Variants in ARHGAP25 observed in about 807,000 individuals in gnomAD.
ARHGAP25 encodes the protein rho GTPase-activating protein 25.
ARHGAP25 carries 34 observed loss-of-function variants against 71.0 expected under a neutral mutation model. That is an observed-to-expected ratio of 0.48 (90% CI 0.36 to 0.64). ARHGAP25 has a LOEUF of 0.64. ARHGAP25 is among the 30% of genes least tolerant of loss of function. The pLI is 0.00. For missense variants in ARHGAP25, 706 were observed against 805.1 expected, an observed-to-expected ratio of 0.88 and a Z score of 1.49; for synonymous variants, 282 against 296.5, an observed-to-expected ratio of 0.95 and a Z score of 0.50.
At chr2:68,798,405 A>G (rs1176440683) in intron 4 of ARHGAP25, among the ~76,000 whole-genome samples, 1 of 152,174 alleles carries the variant, frequency 6.6e-6, no homozygotes, top group Non-Finnish European at 1.5e-5. Flanking sequence ...AACAACAGAC[A>G]GATACTTATT....
At chr2:68,747,755 G>A (rs943941965) in intron 1 of ARHGAP25, among the ~76,000 whole-genome samples, 5 of 152,014 alleles carry the variant, frequency 3.3e-5, no homozygotes, top group Admixed American at 3.3e-4. Context: ...TCACCGAGTT[G>A]CTCAGGCTAA....
At chr2:68,821,906 GT>G (rs59964574) in intron 9 of ARHGAP25, among the ~76,000 whole-genome samples, 1,569 of 81,620 alleles carry the variant, frequency 0.019, 9 homozygotes, top group African/African-American at 0.042. Context: ...CTTTTTGCTA[GT>G]TTTTTTTTTT....
chr2:68,766,041 T>C (rs190162116), intron 1 of ARHGAP25, among the ~76,000 whole-genome samples: 1 of 152,218 alleles, frequency 6.6e-6, no homozygotes, highest in East Asian at 1.9e-4. Context: ...TCCATGCTTA[T>C]GCAATACAAA....
At chr2:68,713,460 T>G (rs183776365) in intron 2 of ARHGAP25, among the ~76,000 whole-genome samples, 2 of 152,332 alleles carry the variant, frequency 1.3e-5, no homozygotes, top group Admixed American at 1.3e-4. Context: ...CAGAGACAAT[T>G]TGACTTCCTC....
At chr2:68,744,277 C>A (rs993697885) in intron 1 of ARHGAP25, among the ~76,000 whole-genome samples, 5 of 152,098 alleles carry the variant, frequency 3.3e-5, no homozygotes, top group African/African-American at 1.2e-4. Flanking sequence ...CCAACTCTAT[C>A]TCTCCCTCCC....
At chr2:68,757,205 T>C (rs542162004) in intron 1 of ARHGAP25, among the ~76,000 whole-genome samples, 1 of 152,192 alleles carries the variant, frequency 6.6e-6, no homozygotes, top group African/African-American at 2.4e-5. Flanking sequence ...GCTTACTCAT[T>C]GTGGGAGTCC....
At chr2:68,772,193 C>T (rs987074411) in intron 1 of ARHGAP25, among the ~76,000 whole-genome samples, 5 of 152,170 alleles carry the variant, frequency 3.3e-5, no homozygotes, top group African/African-American at 7.2e-5. Context: ...TTCTGCTAAC[C>T]GCTTCCCACT....
At chr2:68,773,257 G>C (rs919930482) in intron 1 of ARHGAP25, among the ~76,000 whole-genome samples, 3 of 152,212 alleles carry the variant, frequency 2.0e-5, no homozygotes, top group African/African-American at 7.2e-5. Context: ...TCTGGTGTTT[G>C]AAAGTATGCC....
chr2:68,770,714 C>T (rs968720790), intron 1 of ARHGAP25, among the ~76,000 whole-genome samples: 1 of 152,202 alleles, frequency 6.6e-6, no homozygotes, highest in Non-Finnish European at 1.5e-5. Context: ...TAAAATTCAG[C>T]ACCAACAGTC....
At chr2:68,741,139 A>G (rs1675499077) in intron 1 of ARHGAP25, among the ~76,000 whole-genome samples, 1 of 152,160 alleles carries the variant, frequency 6.6e-6, no homozygotes, top group African/African-American at 2.4e-5. Flanking sequence ...CTGTACTTGG[A>G]TTACATTATC....
intron 4 of ARHGAP25, among the ~76,000 whole-genome samples, chr2:68,806,519 C>T (rs1428108375): frequency 6.6e-6 from 1 of 152,158 alleles, no homozygotes; most frequent in African/African-American, 2.4e-5. Flanking sequence ...AGTCTTATAA[C>T]TGAGACAACT....
intron 1 of ARHGAP25, among the ~76,000 whole-genome samples, chr2:68,743,297 G>A (rs1462729384): frequency 6.6e-6 from 1 of 152,182 alleles, no homozygotes; most frequent in Non-Finnish European, 1.5e-5. Context: ...GGGCTTCAGG[G>A]GCTCAGTGTT....
chr2:68,773,621 A>T (rs1160303365), intron 1 of ARHGAP25, among the ~76,000 whole-genome samples: 1 of 152,220 alleles, frequency 6.6e-6, no homozygotes. Context: ...GACTCATGTA[A>T]CAAACCAGCA....
intron 1 of ARHGAP25, among the ~76,000 whole-genome samples, chr2:68,736,464 TG>T (rs1423531769): frequency 6.6e-6 from 1 of 152,234 alleles, no homozygotes. Flanking sequence ...ACAAATTATA[TG>T]GTTCTGTTCC....
chr2:68,746,711 C>CG (rs1361621146), intron 1 of ARHGAP25, among the ~76,000 whole-genome samples: 3 of 143,848 alleles, frequency 2.1e-5, no homozygotes, highest in African/African-American at 7.8e-5. Flanking sequence ...CCACCCCCCT[C>CG]CCCATCCCCA....
rs200609383 is a variant in ARHGAP25 at position 68,822,479 on chromosome 2, G to A, written c.1340G>A (p.Arg447Gln). 35 of 1,614,176 alleles carry A rather than the reference G, an allele frequency of 2.2e-5. No individual in the cohort carries two copies. The highest frequency in any genetic ancestry group is 2.7e-5 in the Non-Finnish European group (32 of 1,180,032). The change falls in exon 10 of 11, where the codon CGG (arginine) becomes CAG (glutamine). Residue 447 changes from arginine to glutamine, a missense_variant. Transcript: ENST00000409202. Reference sequence around the variant, plus strand: ...AAAAGGACTCAAACACTCCCTAACCGGAAATGTTTCTTGACATCAGCTTTT... The same window carrying A: ...AAAAGGACTCAAACACTCCCTAACCAGAAATGTTTCTTGACATCAGCTTTT... The part of the protein sequence containing the change: ...SRKRTQTLPN[R>Q]KCFLTSAFQG...
intron 1 of ARHGAP25, among the ~76,000 whole-genome samples, chr2:68,751,203 G>A (rs1676151338): frequency 6.6e-6 from 1 of 152,260 alleles, no homozygotes; most frequent in Admixed American, 6.5e-5. Context: ...GAGGGTGCAG[G>A]ACTTGCTCAC....
At chr2:68,824,628 G>C (rs1479646227) in intron 10 of ARHGAP25, among the ~76,000 whole-genome samples, 1 of 152,148 alleles carries the variant, frequency 6.6e-6, no homozygotes, top group East Asian at 1.9e-4. Context: ...TGTAGTCCCA[G>C]CTACTCAGGA....
chr2:68,754,505 TC>T, intron 1 of ARHGAP25, among the ~76,000 whole-genome samples: 1 of 152,262 alleles, frequency 6.6e-6, no homozygotes, highest in Non-Finnish European at 1.5e-5. Context: ...ATTGGGATTG[TC>T]TCTAACTTTT....
Sources: allele counts gnomAD v4.1 joint callset (sites outside exome capture counted in the v4.1 genomes callset), GRCh38; gene constraint gnomAD v4.1.1; transcripts MANE v1.5; gene names NCBI Gene and HGNC (gene_info 2026-07-23, HGNC 2026-07-21).